TRPC7: variants seen among roughly 807,000 people sequenced by gnomAD.
TRPC7 encodes the protein short transient receptor potential channel 7.
Under a neutral mutation model 90.1 loss-of-function variants are expected in TRPC7, and 42 were observed. The observed-to-expected ratio is 0.47, with a 90% confidence interval of 0.36 to 0.60. The LOEUF is 0.60. Among genes scored for constraint, TRPC7 ranks in the 20% least tolerant of loss-of-function variants. The pLI, the probability that TRPC7 is intolerant of heterozygous loss-of-function variation, is 0.00. For missense variants in TRPC7, 955 were observed against 1,112.3 expected (o/e 0.86, Z 2.01); for synonymous variants, 451 against 436.3 (o/e 1.03, Z -0.42).
chr5:136,320,733 T>C (rs1759171322), intron 2 of TRPC7, among the ~76,000 whole-genome samples: 2 of 152,142 alleles, frequency 1.3e-5, no homozygotes, highest in Admixed American at 6.5e-5. Context: ...TCAAACACAC[T>C]TAGTGTGGAC....
Position 136,274,841 on chromosome 5 carries a change from TAAAAACAAAAC to T in TRPC7, c.964-15_964-5del. 6.4e-7 allele frequency: 1 copy of T among 1,555,552 alleles called. No individual in the cohort carries two copies. The highest frequency in any genetic ancestry group is 2.4e-5 in the East Asian group (1 of 41,342). On this transcript the variant is annotated splice_region_variant and splice_polypyrimidine_tract_variant and intron_variant, in intron 3 of 11. Coordinates refer to ENST00000513104, the MANE Select transcript of TRPC7 (RefSeq NM_020389.3). ...GACAGTTAGGATGAGCAACGAACTG[TAAAAACAAAAC>T]AAAAACAAAAACAAAACGCAAACAG...
At chr5:136,225,253 G>A (rs371956484) in intron 10 of TRPC7, 21 bp downstream of exon 10, 12 of 1,609,368 alleles carry the variant, frequency 7.5e-6, no homozygotes, top group African/African-American at 1.3e-5. Flanking sequence ...ATGCTTGGAT[G>A]CTTGGGAAAG....
At chr5:136,285,680 C>T (rs1443722908) in intron 3 of TRPC7, among the ~76,000 whole-genome samples, 1 of 152,176 alleles carries the variant, frequency 6.6e-6, no homozygotes, top group Non-Finnish European at 1.5e-5. Flanking sequence ...GCCCAGTGGC[C>T]TGAGGATGAC....
chr5:136,361,811 T>G (rs568433460), intron 1 of TRPC7, among the ~76,000 whole-genome samples: 1 of 152,132 alleles, frequency 6.6e-6, no homozygotes, highest in Admixed American at 6.6e-5. Context: ...GTACATATTC[T>G]GAGTATTAGT....
intron 10 of TRPC7, chr5:136,222,301 A>C (rs186746563): frequency 6.6e-6 from 1 of 152,310 alleles, no homozygotes; most frequent in East Asian, 1.9e-4. Flanking sequence ...GAGACAAAAA[A>C]GCAGCAAACT....
At chr5:136,341,961 A>G (rs1190093910) in intron 2 of TRPC7, among the ~76,000 whole-genome samples, 1 of 152,162 alleles carries the variant, frequency 6.6e-6, no homozygotes, top group Non-Finnish European at 1.5e-5. Flanking sequence ...CCCTCTTCTC[A>G]TTAATTTTTA....
In TRPC7 at chr5:136,251,661, A is replaced by G; in HGVS notation, c.1567T>C (p.Tyr523His). The G allele has an allele frequency of 6.2e-7, 1 of 1,607,126 alleles. No individual in the cohort carries two copies. The highest frequency in any genetic ancestry group is 8.5e-7 in the Non-Finnish European group (1 of 1,175,030). Residue 523 changes from tyrosine (Y) to histidine (H), a missense_variant, in exon 6 of 12, where the codon TAC becomes CAC. Tyr to His is a moderately conservative substitution (Grantham distance 83). This residue lies in a region of TRPC7 where 296 missense variants were observed against 422.7 expected (regional missense o/e 0.70). Transcript: ENST00000513104. ...HNVSLPPEVA[Y>H]FTYARDKWWP... ...CTCTCCGACTCACCGTAGGTGAAGT[A>G]TGCCACTTCCGGCGGAAGCGAGACA... is the stretch of plus-strand genomic sequence containing the variant.
chr5:136,294,748 C>G (rs1466435411), intron 3 of TRPC7, among the ~76,000 whole-genome samples: 2 of 152,188 alleles, frequency 1.3e-5, no homozygotes, highest in Non-Finnish European at 2.9e-5. Flanking sequence ...CCTCAGGGAT[C>G]TAGAACTAGA....
intron 7 of TRPC7, among the ~76,000 whole-genome samples, chr5:136,237,320 T>A (rs1052016607): frequency 6.6e-6 from 1 of 152,164 alleles, no homozygotes; most frequent in Admixed American, 6.5e-5. Context: ...GCAGCCTAGA[T>A]TTATTTATAC....
rs570868163 is a variant in TRPC7, at chr5:136,232,854, A to G, written c.1845-1305T>C. 3.9e-5 allele frequency among the ~76,000 whole-genome samples: 6 copies of G among 152,184 alleles called. No homozygotes were observed. The South Asian group carries it at 1.2e-3, about 32-fold the overall frequency. On this transcript the variant is annotated intron_variant, in intron 7 of 11. Coordinates refer to ENST00000513104, the MANE Select transcript of TRPC7 (RefSeq NM_020389.3). The stretch of plus-strand genomic sequence containing the variant: ...TCATCCAGATTTTTGGTACCACTGT[A>G]AGAAAGCACTTTTTTTTTTCCTCTT...
chr5:136,331,885 A>G (rs1759511054), intron 2 of TRPC7, among the ~76,000 whole-genome samples: 1 of 152,188 alleles, frequency 6.6e-6, no homozygotes, highest in African/African-American at 2.4e-5. Flanking sequence ...AATCTGAGAT[A>G]CAACCATGAG....
At chr5:136,240,324 G>A (rs969431213) in intron 7 of TRPC7, among the ~76,000 whole-genome samples, 1 of 152,164 alleles carries the variant, frequency 6.6e-6, no homozygotes, top group Non-Finnish European at 1.5e-5. Context: ...ATATGGGATC[G>A]TAGCTGTTGC....
At chr5:136,294,475 C>G (rs549033474) in intron 3 of TRPC7, among the ~76,000 whole-genome samples, 1 of 151,944 alleles carries the variant, frequency 6.6e-6, no homozygotes, top group African/African-American at 2.4e-5. Context: ...AAAAAGTGGG[C>G]GAAGGATATG....
intron 3 of TRPC7, among the ~76,000 whole-genome samples, chr5:136,288,017 G>C (rs558767579): frequency 1.3e-5 from 2 of 152,240 alleles, no homozygotes; most frequent in South Asian, 2.1e-4. Flanking sequence ...ACATTTATTG[G>C]ATATGATGTG....
intron 2 of TRPC7, among the ~76,000 whole-genome samples, chr5:136,330,442 T>C (rs925251192): frequency 2.0e-5 from 3 of 152,160 alleles, no homozygotes; most frequent in Non-Finnish European, 4.4e-5. Flanking sequence ...TGGATTTAGG[T>C]ATAGCTCACT....
At chr5:136,321,093 C>G (rs914740593) in intron 2 of TRPC7, among the ~76,000 whole-genome samples, 1 of 152,128 alleles carries the variant, frequency 6.6e-6, no homozygotes, top group African/African-American at 2.4e-5. Context: ...TTAACTGGAA[C>G]AGTGAACTTC....
At chr5:136,239,626 G>C (rs896653684) in intron 7 of TRPC7, among the ~76,000 whole-genome samples, 10 of 152,156 alleles carry the variant, frequency 6.6e-5, no homozygotes, top group Non-Finnish European at 1.2e-4. Flanking sequence ...GCCTCAGCAG[G>C]ATCCCCTTTG....
In TRPC7 at chr5:136,213,320, C is replaced by T; in HGVS notation, c.*115G>A. 1 of 1,055,620 alleles carries T rather than the reference C, an allele frequency of 9.5e-7. No homozygotes were observed. The highest frequency in any genetic ancestry group is 2.6e-5 in the Admixed American group (1 of 39,110). 65.4% of individuals were successfully genotyped at this position (1,055,620 alleles called of 1,614,324 possible). On this transcript the variant is annotated 3_prime_UTR_variant, in exon 12 of 12. Transcript: ENST00000513104. The stretch of plus-strand genomic sequence containing the variant: ...GCTGCAAGAGACTGAGCCAGGAGAT[C>T]CCCTTCGTGTCCTAGAGGAGTGGGC...
chr5:136,282,021 TC>T (rs1757565989), intron 3 of TRPC7, among the ~76,000 whole-genome samples: 1 of 152,232 alleles, frequency 6.6e-6, no homozygotes, highest in South Asian at 2.1e-4. Context: ...CATGAATAAT[TC>T]TTACTCTAGT....
Sources: allele counts gnomAD v4.1 joint callset (sites outside exome capture counted in the v4.1 genomes callset), GRCh38; gene constraint gnomAD v4.1.1; regional missense constraint gnomAD v4.1.1; transcripts MANE v1.5; gene names NCBI Gene and HGNC (gene_info 2026-07-23, HGNC 2026-07-21).